Variants in ABLIM2 observed in about 807,000 individuals in gnomAD.
ABLIM2 encodes actin binding LIM protein family member 2.
In ABLIM2, 53 loss-of-function variants were observed where a neutral mutation model predicts 97.7. That is an observed-to-expected ratio of 0.54 (90% CI 0.44 to 0.68). The LOEUF (loss-of-function observed/expected upper bound fraction) is 0.68. ABLIM2 is among the 30% of genes least tolerant of loss of function. ABLIM2 has a pLI of 0.00. For missense variants in ABLIM2, 835 were observed against 867.2 expected, an observed-to-expected ratio of 0.96 and a Z score of 0.47; for synonymous variants, 361 against 345.8, an observed-to-expected ratio of 1.04 and a Z score of -0.49.
chr4:8,069,846 G>A lies in ABLIM2; in HGVS notation c.675+7782C>T, dbSNP rs891091846. On this transcript the variant is annotated intron_variant, in intron 6 of 20. Coordinates refer to ENST00000447017, the MANE Select transcript of ABLIM2 (RefSeq NM_001130083.2). The surrounding 1 kb of genome is among the most constrained non-coding windows in gnomAD (Gnocchi z 4.2). ...GTGTGTACGTGTCTGTGGGTGCCGT[G>A]TGTGTTTTCTGTGTGTCTGCGTTGT... 2.5e-4 allele frequency among the ~76,000 whole-genome samples: 38 copies of A among 151,694 alleles called. No homozygotes were observed. Among genetic ancestry groups the A allele is most frequent in the African/African-American group, 9.2e-4 (38 of 41,104 alleles).
In ABLIM2 at chr4:8,122,109, A is replaced by G. The variant is rs1286780371; in HGVS notation, c.11-15472T>C. Among the ~76,000 whole-genome samples, 1 of 152,146 alleles carries G rather than the reference A, an allele frequency of 6.6e-6. No individual in the cohort carries two copies. The highest frequency in any genetic ancestry group is 1.5e-5 in the Non-Finnish European group (1 of 68,018). On this transcript the variant is annotated intron_variant, in intron 1 of 20. Transcript: ENST00000447017. This position sits in a 1 kb window ranked among gnomAD's most constrained non-coding sequence, Gnocchi z 4.1. ...TAGGGGACCTGACAATATGCCCCCA[A>G]GCATATACTGGCCACACCTCAGCTG...
chr4:8,009,265 G>C (rs554620570), intron 14 of ABLIM2, among the ~76,000 whole-genome samples, 163 bp from the exon 15 acceptor site: 22 of 152,344 alleles, frequency 1.4e-4, no homozygotes, highest in Middle Eastern at 6.8e-3. Context: ...GTAAGCTGGA[G>C]GAGGTCCCCA....
intron 12 of ABLIM2, among the ~76,000 whole-genome samples, chr4:8,025,031 G>A (rs1021906490): frequency 6.6e-6 from 1 of 152,196 alleles, no homozygotes; most frequent in Admixed American, 6.5e-5. Context: ...CTGGATTCAA[G>A]CAATCCTCCC....
chr4:8,029,586 TAAAAAAAAAAA>T (rs758188738), intron 11 of ABLIM2, 59 bp downstream of exon 11: 5 of 1,050,032 alleles, frequency 4.8e-6, no homozygotes, highest in Admixed American at 5.6e-5. Context: ...AAAAAAAAAC[TAAAAAAAAAAA>T]AAAAAAAAAG....
chr4:8,086,219 A>G (rs1034567603), intron 4 of ABLIM2, among the ~76,000 whole-genome samples: 3 of 150,312 alleles, frequency 2.0e-5, no homozygotes, highest in Non-Finnish European at 4.4e-5. Context: ...CAAATTTGAT[A>G]TTTCAAAATA....
chr4:8,088,352 A>G, intron 3 of ABLIM2, 68 bp from the exon 4 acceptor site: 1 of 1,291,242 alleles, frequency 7.7e-7, no homozygotes, highest in Non-Finnish European at 1.1e-6. Flanking sequence ...GCCCTGTCCC[A>G]GTGCAGGAGA....
At position 8,144,063 on chromosome 4, in the gene ABLIM2, G is replaced by A. The variant is rs1429260286; in HGVS notation, c.10+14617C>T. Reference sequence around the variant, plus strand: ...CCCAGGTCAATGCCAAGGAGGGGCCGGCTGTAGCCTGATGGTCCTCTTCCT... The same window carrying A: ...CCCAGGTCAATGCCAAGGAGGGGCCAGCTGTAGCCTGATGGTCCTCTTCCT... On this transcript the variant is annotated intron_variant, in intron 1 of 20. Transcript: ENST00000447017. 2.0e-5 allele frequency among the ~76,000 whole-genome samples: 3 copies of A among 152,284 alleles called. 1 individual carries two copies. The East Asian group carries it at 5.8e-4, about 29-fold the overall frequency.
At chr4:7,977,964 G>A (rs1265075351) in intron 20 of ABLIM2, among the ~76,000 whole-genome samples, 1 of 152,156 alleles carries the variant, frequency 6.6e-6, no homozygotes, top group Non-Finnish European at 1.5e-5. Context: ...CTGAGATGAT[G>A]TGCAAGAGAT....
In ABLIM2 at chr4:8,120,629, T is replaced by G. The variant is rs1490017187; in HGVS notation, c.11-13992A>C. On this transcript the variant is annotated intron_variant, in intron 1 of 20. Transcript: ENST00000447017. This position sits in a 1 kb window ranked among gnomAD's most constrained non-coding sequence, Gnocchi z 5.6. ...CCAGAACTGTGGGAGGATGCACATCTGCCAGTCCAGCCCCCATCTGTGTGC... is the reference window on the plus strand; with the variant it reads ...CCAGAACTGTGGGAGGATGCACATCGGCCAGTCCAGCCCCCATCTGTGTGC... Among the ~76,000 whole-genome samples the G allele has an allele frequency of 2.0e-5, 3 of 152,062 alleles. No homozygotes were observed. Among genetic ancestry groups the G allele is most frequent in the Admixed American group, 2.0e-4 (3 of 15,262 alleles).
rs1399783611 is a variant in ABLIM2, at chr4:8,112,728, C to G, written c.11-6091G>C. Among the ~76,000 whole-genome samples, 1 of 152,186 alleles carries G rather than the reference C, an allele frequency of 6.6e-6. No individual in the cohort carries two copies. Among genetic ancestry groups the G allele is most frequent in the Non-Finnish European group, 1.5e-5 (1 of 68,038 alleles). Reference sequence around the variant, plus strand: ...CGACATTCTCTTGTTTGTTCCATACCATGCCCCACAGGAATGGTCAGTCAT... The same window carrying G: ...CGACATTCTCTTGTTTGTTCCATACGATGCCCCACAGGAATGGTCAGTCAT... On this transcript the variant is annotated intron_variant, in intron 1 of 20. Transcript: ENST00000447017. The surrounding 1 kb of genome is among the most constrained non-coding windows in gnomAD (Gnocchi z 4.2).
At position 7,969,730 on chromosome 4, in the gene ABLIM2, G is replaced by GACACACAC. The variant is rs56236019; in HGVS notation, c.1825-2635_1825-2628dup. Among the ~76,000 whole-genome samples, 101 of 139,686 alleles carry GACACACAC rather than the reference G, an allele frequency of 7.2e-4. 4 individuals carry two copies. Among genetic ancestry groups the GACACACAC allele is most frequent in the East Asian group, 3.3e-3 (14 of 4,228 alleles). 91.6% of individuals were successfully genotyped at this position (139,686 alleles called of 152,430 possible). Reference sequence around the variant, plus strand: ...TCAGTCTCTCTTTCTCTCTCTCTCTGACACACACACACACACACACACACA... The same window carrying GACACACAC: ...TCAGTCTCTCTTTCTCTCTCTCTCTGACACACACACACACACACACACACACACACACA... On this transcript the variant is annotated intron_variant, in intron 20 of 20. Coordinates refer to ENST00000447017, the MANE Select transcript of ABLIM2 (RefSeq NM_001130083.2).
intron 7 of ABLIM2, among the ~76,000 whole-genome samples, chr4:8,056,136 A>AAAAAAAAAAAAAAC (rs1798971221): frequency 6.7e-6 from 1 of 148,876 alleles, no homozygotes; most frequent in African/African-American, 2.5e-5. Flanking sequence ...AAAAAAAAAA[A>AAAAAAAAAAAAAAC]AAAGTAACAG....
rs1298619338 is a variant in ABLIM2 at position 8,083,189 on chromosome 4, G to A, written c.455-2387C>T. Reference sequence around the variant, plus strand: ...GCATGTCAAGGGAGCACAGCACATGGGGCTGTGTGTCGACCAGAGGACAGA... The same window carrying A: ...GCATGTCAAGGGAGCACAGCACATGAGGCTGTGTGTCGACCAGAGGACAGA... On this transcript the variant is annotated intron_variant, in intron 4 of 20. Coordinates refer to ENST00000447017, the MANE Select transcript of ABLIM2 (RefSeq NM_001130083.2). This position sits in a 1 kb window ranked among gnomAD's most constrained non-coding sequence, Gnocchi z 4.6. Among the ~76,000 whole-genome samples the A allele has an allele frequency of 6.6e-6, 1 of 152,178 alleles. No homozygotes were observed.
At position 8,044,879 on chromosome 4, in the gene ABLIM2, A is replaced by G. The variant is rs1791288123; in HGVS notation, c.900+285T>C. Among the ~76,000 whole-genome samples, 1 of 152,202 alleles carries G rather than the reference A, an allele frequency of 6.6e-6. No homozygotes were observed. Among genetic ancestry groups the G allele is most frequent in the Non-Finnish European group, 1.5e-5 (1 of 68,034 alleles). On this transcript the variant is annotated intron_variant, in intron 9 of 20. Transcript: ENST00000447017. The surrounding 1 kb of genome is among the most constrained non-coding windows in gnomAD (Gnocchi z 4.4). ...GTTGATGTGACGTGTCTGCACCACT[A>G]TAAACAACAGCTGTGTACACACCAC...
chr4:8,110,575 A>C (rs1187786589), intron 1 of ABLIM2, among the ~76,000 whole-genome samples: 1 of 151,050 alleles, frequency 6.6e-6, no homozygotes, highest in Non-Finnish European at 1.5e-5. Context: ...TGCTCAATAC[A>C]CAATTGTCAT....
At position 8,087,042 on chromosome 4, in the gene ABLIM2, G is replaced by A. The variant is rs947335351; in HGVS notation, c.454+1127C>T. The stretch of plus-strand genomic sequence containing the variant: ...CCTCGGGGAGGCTGGAAGTGGAATC[G>A]CCTCTGTAGAGACTCTCAACGCAGC... On this transcript the variant is annotated intron_variant, in intron 4 of 20. Coordinates refer to ENST00000447017, the MANE Select transcript of ABLIM2 (RefSeq NM_001130083.2). The surrounding 1 kb of genome is among the most constrained non-coding windows in gnomAD (Gnocchi z 4.6). Among the ~76,000 whole-genome samples the A allele has an allele frequency of 6.6e-6, 1 of 152,158 alleles. No homozygotes were observed.
At chr4:8,088,010 A>C (rs1824887903) in intron 4 of ABLIM2, among the ~76,000 whole-genome samples, 159 bp downstream of exon 4, 1 of 79,800 alleles carries the variant, frequency 1.3e-5, no homozygotes, top group East Asian at 4.5e-4. Context: ...GCCCCCACTT[A>C]GCATGCCCTA....
At position 8,054,380 on chromosome 4, in the gene ABLIM2, G is replaced by A; in HGVS notation, c.764-134C>T. On this transcript the variant is annotated intron_variant, in intron 7 of 20. Coordinates refer to ENST00000447017, the MANE Select transcript of ABLIM2 (RefSeq NM_001130083.2). The surrounding 1 kb of genome is among the most constrained non-coding windows in gnomAD (Gnocchi z 4.9). ...GACTCCACCCTCCAAGCGGCCCTGAGCATCCTCTCTGTGCTGGAGTTAGTG... is the reference window on the plus strand; with the variant it reads ...GACTCCACCCTCCAAGCGGCCCTGAACATCCTCTCTGTGCTGGAGTTAGTG... 1.1e-6 allele frequency: 1 copy of A among 917,296 alleles called. No individual in the cohort carries two copies. The highest frequency in any genetic ancestry group is 1.7e-6 in the Non-Finnish European group (1 of 586,018). The allele number at this position is 917,296 out of a possible 1,614,324, so 56.8% of individuals were successfully genotyped here.
chr4:8,086,831 TAA>T (rs111446653), intron 4 of ABLIM2, among the ~76,000 whole-genome samples: 1 of 144,812 alleles, frequency 6.9e-6, no homozygotes. Flanking sequence ...ACGTTTACAT[TAA>T]AAAAAAAAAG....
Sources: gnomAD v4.1 joint callset for allele counts (sites outside exome capture counted in the v4.1 genomes callset) on GRCh38, gnomAD v4.1.1 for gene constraint, Gnocchi (gnomAD v3.1) non-coding constraint, MANE v1.5 for transcripts, NCBI Gene and HGNC (gene_info 2026-07-23, HGNC 2026-07-21) for gene names.